MBD5: variants seen among roughly 807,000 people sequenced by gnomAD.
MBD5 encodes the protein methyl-CpG-binding domain protein 5.
MBD5 carries 13 observed loss-of-function variants against 117.3 expected under a neutral mutation model. That is an observed-to-expected ratio of 0.11 (90% CI 0.07 to 0.18). The LOEUF (loss-of-function observed/expected upper bound fraction) is 0.18, where lower values mean the gene tolerates loss of function less well. Ranked by LOEUF, MBD5 falls within the 10% of genes least tolerant of loss-of-function variation. The pLI, the probability that MBD5 is intolerant of heterozygous loss-of-function variation, is 1.00. For missense variants in MBD5, 1,879 were observed against 2,093.8 expected, an observed-to-expected ratio of 0.90 and a Z score of 2.00; for synonymous variants, 727 against 766.4, an observed-to-expected ratio of 0.95 and a Z score of 0.85.
At chr2:148,275,307 C>A (rs1229103856) in intron 3 of MBD5, among the ~76,000 whole-genome samples, 1 of 152,098 alleles carries the variant, frequency 6.6e-6, no homozygotes, top group Non-Finnish European at 1.5e-5. Flanking sequence ...CCATTATCTT[C>A]TTACCTTCTC....
At chr2:148,249,930 A>C (rs1700426012) in intron 3 of MBD5, among the ~76,000 whole-genome samples, 1 of 152,150 alleles carries the variant, frequency 6.6e-6, no homozygotes, top group Admixed American at 6.6e-5. Flanking sequence ...CCTCCACAGC[A>C]AAGTATTATA....
chr2:148,356,062 A>C (rs1380149096), intron 4 of MBD5, among the ~76,000 whole-genome samples: 1 of 151,974 alleles, frequency 6.6e-6, no homozygotes, highest in African/African-American at 2.4e-5. Flanking sequence ...ATTCCTAAGT[A>C]TTTTATTCTC....
intron 2 of MBD5, among the ~76,000 whole-genome samples, chr2:148,204,178 A>T (rs1310855178): frequency 1.3e-5 from 2 of 152,200 alleles, no homozygotes; most frequent in African/African-American, 4.8e-5. Context: ...ACAATAGTAG[A>T]AGATGAATTA....
intron 1 of MBD5, chr2:148,055,683 C>G (rs565770213): frequency 6.6e-6 from 1 of 152,252 alleles, no homozygotes; most frequent in South Asian, 2.1e-4. Context: ...CCGCCCGCCT[C>G]GGCCTTCCAA....
chr2:148,249,640 CT>C (rs928063506), intron 3 of MBD5, among the ~76,000 whole-genome samples: 2 of 152,126 alleles, frequency 1.3e-5, no homozygotes, highest in Admixed American at 6.5e-5. Flanking sequence ...TAGTTTTCCC[CT>C]GACATGACTT....
chr2:148,070,050 G>A (rs1215239196), intron 1 of MBD5, among the ~76,000 whole-genome samples: 2 of 152,072 alleles, frequency 1.3e-5, no homozygotes, highest in African/African-American at 4.8e-5. Context: ...CTTCTATCCA[G>A]CTGTATGTTA....
chr2:148,497,747 T>G (rs1032577411), intron 11 of MBD5, among the ~76,000 whole-genome samples: 1 of 148,094 alleles, frequency 6.8e-6, no homozygotes, highest in Non-Finnish European at 1.5e-5. Flanking sequence ...ATCACACCAC[T>G]GCACTCCAGC....
At chr2:148,474,572 T>G (rs1305958847) in intron 8 of MBD5, among the ~76,000 whole-genome samples, 1 of 152,148 alleles carries the variant, frequency 6.6e-6, no homozygotes, top group Non-Finnish European at 1.5e-5. Context: ...TTTAAACACA[T>G]GAAAATTTAA....
chr2:148,414,887 A>T (rs1272808600), intron 4 of MBD5, among the ~76,000 whole-genome samples: 2 of 152,100 alleles, frequency 1.3e-5, no homozygotes, highest in East Asian at 3.9e-4. Context: ...TGAAGACAGC[A>T]TACTTCTGGG....
At chr2:148,284,445 A>C (rs984806460) in intron 3 of MBD5, among the ~76,000 whole-genome samples, 7 of 152,218 alleles carry the variant, frequency 4.6e-5, no homozygotes, top group Admixed American at 4.6e-4. Context: ...TGAGGGCATC[A>C]GGGAAGAAAC....
At chr2:148,154,906 C>G (rs146516942) in intron 1 of MBD5, among the ~76,000 whole-genome samples, 218 of 152,300 alleles carry the variant, frequency 1.4e-3, no homozygotes, top group Middle Eastern at 3.4e-3. Context: ...GTCGCTCACG[C>G]TGGGAGCTGT....
intron 1 of MBD5, among the ~76,000 whole-genome samples, chr2:148,107,858 TG>T (rs1470675634): frequency 1.3e-5 from 2 of 152,196 alleles, no homozygotes; most frequent in Non-Finnish European, 2.9e-5. Context: ...TTTTATATCA[TG>T]AACTACTCAT....
chr2:148,269,416 C>T (rs1700931545), intron 3 of MBD5, among the ~76,000 whole-genome samples: 1 of 151,772 alleles, frequency 6.6e-6, no homozygotes, highest in Non-Finnish European at 1.5e-5. Flanking sequence ...TTAAAGGATA[C>T]ATAGGAGATA....
chr2:148,434,826 A>C (rs1706105787), intron 4 of MBD5, among the ~76,000 whole-genome samples: 1 of 152,054 alleles, frequency 6.6e-6, no homozygotes, highest in African/African-American at 2.4e-5. Context: ...TTTTGCCTTG[A>C]TGATCTGTCT....
intron 2 of MBD5, among the ~76,000 whole-genome samples, chr2:148,200,840 A>G (rs1699120982): frequency 6.6e-6 from 1 of 152,044 alleles, no homozygotes; most frequent in Non-Finnish European, 1.5e-5. Flanking sequence ...TTCTGATCTA[A>G]ATAGTTGGCC....
intron 4 of MBD5, among the ~76,000 whole-genome samples, chr2:148,427,092 C>G (rs1305642881): frequency 1.3e-5 from 2 of 152,104 alleles, no homozygotes; most frequent in Non-Finnish European, 2.9e-5. Context: ...CAAATCAAAA[C>G]CACAATGAGA....
At chr2:148,113,570 A>C (rs926322645) in intron 1 of MBD5, among the ~76,000 whole-genome samples, 1 of 152,176 alleles carries the variant, frequency 6.6e-6, no homozygotes, top group African/African-American at 2.4e-5. Context: ...GTCTCAATAT[A>C]CCTTAGTCTG....
intron 3 of MBD5, among the ~76,000 whole-genome samples, chr2:148,282,570 G>GTA (rs560640635): frequency 0.01 from 1,570 of 150,064 alleles, 14 homozygotes; most frequent in African/African-American, 0.034. Flanking sequence ...GTGTGTGTGT[G>GTA]TATATATATA....
At chr2:148,227,118 T>C (rs1310034976) in intron 2 of MBD5, among the ~76,000 whole-genome samples, 1 of 152,248 alleles carries the variant, frequency 6.6e-6, no homozygotes, top group Admixed American at 6.5e-5. Context: ...TTTAGTTTAA[T>C]TAGATCCCAT....
Sources: allele counts gnomAD v4.1 joint callset (sites outside exome capture counted in the v4.1 genomes callset), GRCh38; gene constraint gnomAD v4.1.1; transcripts MANE v1.5; gene names NCBI Gene and HGNC (gene_info 2026-07-23, HGNC 2026-07-21).